The following TTLL5 variants were observed in gnomAD, a reference collection of about 807,000 sequenced individuals.
The protein encoded by TTLL5 is tubulin polyglutamylase TTLL5.
TTLL5 carries 132 observed loss-of-function variants against 168.4 expected under a neutral mutation model. The ratio of observed to expected loss-of-function variants is 0.78; its 90% confidence interval spans 0.68 to 0.91. The LOEUF is 0.91. TTLL5 is among the 40% of genes least tolerant of loss of function. TTLL5 has a pLI of 0.00. For missense variants in TTLL5, 1,545 were observed against 1,581.5 expected (o/e 0.98, Z 0.39); for synonymous variants, 546 against 558.6 (o/e 0.98, Z 0.32).
chr14:75,830,827 G>T (rs1396385276), intron 28 of TTLL5, among the ~76,000 whole-genome samples: 1 of 152,102 alleles, frequency 6.6e-6, no homozygotes, highest in Non-Finnish European at 1.5e-5. Flanking sequence ...TGGATATCCT[G>T]TTCTCACACA....
At chr14:75,734,562 A>G (rs1888767403) in intron 14 of TTLL5, among the ~76,000 whole-genome samples, 1 of 152,190 alleles carries the variant, frequency 6.6e-6, no homozygotes, top group African/African-American at 2.4e-5. Flanking sequence ...CTATAAAAAG[A>G]CATAATAAAA....
chr14:75,910,135 A>AT (rs2033312972), intron 31 of TTLL5, among the ~76,000 whole-genome samples: 2 of 152,130 alleles, frequency 1.3e-5, no homozygotes, highest in South Asian at 4.1e-4. Flanking sequence ...GAAAATTGAT[A>AT]TTTTTTTCTT....
At chr14:75,690,777 G>C (rs1426693607) in intron 6 of TTLL5, among the ~76,000 whole-genome samples, 1 of 151,926 alleles carries the variant, frequency 6.6e-6, no homozygotes, top group African/African-American at 2.4e-5. Context: ...GCACCATTAG[G>C]CTCAGCTAAT....
chr14:75,851,672 C>A (rs990829097), intron 28 of TTLL5, among the ~76,000 whole-genome samples: 3 of 152,184 alleles, frequency 2.0e-5, no homozygotes, highest in Non-Finnish European at 4.4e-5. Flanking sequence ...ACCGTGCAGC[C>A]GCTCTCTCTG....
chr14:75,896,301 G>T (rs1223156600), intron 30 of TTLL5, among the ~76,000 whole-genome samples: 1 of 152,092 alleles, frequency 6.6e-6, no homozygotes, highest in African/African-American at 2.4e-5. Flanking sequence ...AAAAGTCAGG[G>T]TATGTATTTT....
At chr14:75,812,584 T>C (rs185215265) in intron 27 of TTLL5, among the ~76,000 whole-genome samples, 2 of 152,326 alleles carry the variant, frequency 1.3e-5, no homozygotes, top group Admixed American at 6.5e-5. Flanking sequence ...CATTGAGAAA[T>C]AGTAAAACCT....
intron 31 of TTLL5, among the ~76,000 whole-genome samples, chr14:75,908,138 G>A (rs975338061): frequency 2.0e-5 from 3 of 152,232 alleles, no homozygotes; most frequent in Non-Finnish European, 4.4e-5. Context: ...GTGTATAAGC[G>A]AGGGATGACT....
chr14:75,903,971 A>G, intron 31 of TTLL5: 1 of 439,298 alleles, frequency 2.3e-6, no homozygotes, highest in Non-Finnish European at 3.1e-6. Flanking sequence ...TAAGGCTTAT[A>G]GTAAGGATTA....
chr14:75,837,961 A>G (rs531823781), intron 28 of TTLL5, among the ~76,000 whole-genome samples: 10 of 152,226 alleles, frequency 6.6e-5, no homozygotes, highest in Middle Eastern at 3.4e-3. Context: ...CTTTTTGGCT[A>G]TTGTGAATAA....
At chr14:75,715,745 C>T (rs1887401873) in intron 9 of TTLL5, among the ~76,000 whole-genome samples, 1 of 151,816 alleles carries the variant, frequency 6.6e-6, no homozygotes, top group Non-Finnish European at 1.5e-5. Flanking sequence ...GAAATCTTAT[C>T]CTTGCTGGGG....
At position 75,882,682 on chromosome 14, in the gene TTLL5, TAGGCA is replaced by T; in HGVS notation, c.3523-1_3526del. ...GATCATTTTTTTCCTTTTTTTTTTG[TAGGCA>T]ATCTTTGGCAGCCAGACACTACCTA... is the stretch of plus-strand genomic sequence containing the variant. On this transcript the variant is annotated splice_acceptor_variant and coding_sequence_variant, in exon 30 of 32. Transcript: ENST00000298832. LOFTEE classifies it high-confidence loss of function. 1 of 1,602,504 alleles carries T rather than the reference TAGGCA, an allele frequency of 6.2e-7. No individual in the cohort carries two copies. Among genetic ancestry groups the T allele is most frequent in the South Asian group, 1.1e-5 (1 of 89,200 alleles).
intron 21 of TTLL5, among the ~76,000 whole-genome samples, chr14:75,773,957 A>AGAGAGAGAGAGAGAGAGAGAG (rs1891536422): frequency 4.6e-5 from 2 of 43,382 alleles, no homozygotes; most frequent in African/African-American, 8.1e-5. Context: ...GAGAGAGAGA[A>AGAGAGAGAGAGAGAGAGAGAG]AGAGAGAGAG....
At chr14:75,843,610 G>A (rs548719278) in intron 28 of TTLL5, among the ~76,000 whole-genome samples, 7 of 152,352 alleles carry the variant, frequency 4.6e-5, no homozygotes, top group African/African-American at 1.7e-4. Context: ...AGGTAGCACT[G>A]CAGAGCAGAT....
At chr14:75,763,558 A>G (rs1022309331) in intron 18 of TTLL5, among the ~76,000 whole-genome samples, 1 of 152,174 alleles carries the variant, frequency 6.6e-6, no homozygotes, top group African/African-American at 2.4e-5. Flanking sequence ...CTCAAAGGGA[A>G]CACACTTTGA....
rs2035057325 is a variant in TTLL5 at position 75,954,627 on chromosome 14, G to T, written c.*181G>T. 1 of 631,052 alleles carries T rather than the reference G, an allele frequency of 1.6e-6. No individual in the cohort carries two copies. The highest frequency in any genetic ancestry group is 2.7e-5 in the East Asian group (1 of 36,860). The allele number at this position is 631,052 out of a possible 1,614,324, so 39.1% of individuals were successfully genotyped here. On this transcript the variant is annotated 3_prime_UTR_variant, in exon 32 of 32. Coordinates refer to ENST00000298832, the MANE Select transcript of TTLL5 (RefSeq NM_015072.5). ...CAATCAGCCAATGCAGACTTTCACT[G>T]GGACAACAAGAAAGCAGATCTTCTG...
intron 28 of TTLL5, among the ~76,000 whole-genome samples, chr14:75,850,263 G>C (rs796953216): frequency 2.6e-5 from 4 of 151,818 alleles, no homozygotes; most frequent in African/African-American, 9.7e-5. Context: ...AAAATTATCC[G>C]GGCATGGTGG....
chr14:75,699,262 A>G lies in TTLL5; in HGVS notation c.577A>G (p.Ile193Val). The G allele has an allele frequency of 6.2e-7, 1 of 1,613,868 alleles. No individual in the cohort carries two copies. The highest frequency in any genetic ancestry group is 2.2e-5 in the East Asian group (1 of 44,858). Residue 193 changes from isoleucine (I) to valine (V), a missense_variant, in exon 7 of 32, where the codon ATC becomes GTC. Coordinates refer to ENST00000298832, the MANE Select transcript of TTLL5 (RefSeq NM_015072.5). ...TTCAAGGGGGCGGGGCGTCTACCTG[A>G]TCAACAATGTAAGTATGCAGCAGAT... ...ASSRGRGVYLINNPNQISLEE... is the reference protein window; with the variant it reads ...ASSRGRGVYLVNNPNQISLEE...
Position 75,735,295 on chromosome 14 carries a change from C to A in TTLL5, c.1281+6C>A, listed in dbSNP as rs1343565625. On this transcript the variant is annotated splice_donor_region_variant and intron_variant, in intron 15 of 31. Transcript: ENST00000298832. ...ACCCTTTCCAGAAACCTCAGGTAAG[C>A]CAATTCCACAGCAGGGAGCCTGAAG... The A allele has an allele frequency of 1.2e-6, 2 of 1,613,976 alleles. No individual in the cohort carries two copies. The highest frequency in any genetic ancestry group is 1.7e-6 in the Non-Finnish European group (2 of 1,179,812).
At chr14:75,777,644 G>A (rs940097432) in intron 23 of TTLL5, among the ~76,000 whole-genome samples, 7 of 151,848 alleles carry the variant, frequency 4.6e-5, no homozygotes, top group African/African-American at 1.7e-4. Context: ...AATAAAATAG[G>A]ATAAAAAAAC....
Sources: gnomAD v4.1 joint callset for allele counts (sites outside exome capture counted in the v4.1 genomes callset) on GRCh38, gnomAD v4.1.1 for gene constraint, MANE v1.5 for transcripts, NCBI Gene and HGNC (gene_info 2026-07-23, HGNC 2026-07-21) for gene names.